FILIP1L: variants seen among roughly 807,000 people sequenced by gnomAD.
The protein encoded by FILIP1L is filamin A interacting protein 1 like.
Under a neutral mutation model 96.6 loss-of-function variants are expected in FILIP1L, and 55 were observed. That is an observed-to-expected ratio of 0.57 (90% CI 0.46 to 0.71). The LOEUF (loss-of-function observed/expected upper bound fraction) is 0.71. Among genes scored for constraint, FILIP1L ranks in the 30% least tolerant of loss-of-function variants. FILIP1L has a pLI of 0.00. For synonymous variants in FILIP1L, 467 were observed against 473.9 expected (o/e 0.99, Z 0.19); for missense variants, 1,304 against 1,321.2 (o/e 0.99, Z 0.20).
At chr3:99,950,677 A>G (rs1283730739) in intron 1 of FILIP1L, among the ~76,000 whole-genome samples, 1 of 152,214 alleles carries the variant, frequency 6.6e-6, no homozygotes, top group Non-Finnish European at 1.5e-5. Context: ...AGAAAGAGGA[A>G]TGGAGGCAGC....
Position 99,988,348 on chromosome 3 carries a change from A to C in FILIP1L, c.-10-57318T>G, listed in dbSNP as rs1451732724. Among the ~76,000 whole-genome samples, 105 of 149,220 alleles carry C rather than the reference A, an allele frequency of 7.0e-4. 3 individuals are homozygous for C. The South Asian group carries it at 9.9e-3, about 14-fold the overall frequency. ...CCACCTCTACTAAAAATCCAAAAAA[A>C]AAAAAAAAAAAAAAATTAGCCAGGC... is the stretch of plus-strand genomic sequence containing the variant. On this transcript the variant is annotated intron_variant, in intron 1 of 5. Transcript: ENST00000477258.
chr3:100,105,888 C>G (rs2066386511), intron 1 of FILIP1L, among the ~76,000 whole-genome samples: 1 of 151,966 alleles, frequency 6.6e-6, no homozygotes, highest in Admixed American at 6.6e-5. Context: ...CAAACAAAAA[C>G]TTTTTTTTAA....
intron 1 of FILIP1L, among the ~76,000 whole-genome samples, chr3:100,064,195 G>T (rs1363254860): frequency 6.6e-6 from 1 of 152,166 alleles, no homozygotes; most frequent in African/African-American, 2.4e-5. Flanking sequence ...TTGTCTTCCG[G>T]GAATGTATTT....
chr3:100,046,344 A>G lies in FILIP1L; in HGVS notation c.-11+67709T>C, dbSNP rs77585766. ...AAAAAGGGAAATTCAGAATTTGCAG[A>G]ATTATTTTTATATTTGGCAATGTAG... On this transcript the variant is annotated intron_variant, in intron 1 of 5. Coordinates refer to ENST00000477258, the MANE Select transcript of FILIP1L (RefSeq NM_001387850.1). Among the ~76,000 whole-genome samples the G allele has an allele frequency of 4.3e-3, 662 of 152,332 alleles. 7 individuals carry two copies. The highest frequency in any genetic ancestry group is 0.016 in the African/African-American group (649 of 41,578).
chr3:100,072,721 G>A (rs1308288527), intron 1 of FILIP1L, among the ~76,000 whole-genome samples: 1 of 152,222 alleles, frequency 6.6e-6, no homozygotes, highest in African/African-American at 2.4e-5. Context: ...GGACAGAGGT[G>A]ATGAGGACTT....
rs75847053 is a variant in FILIP1L, at chr3:99,912,362, A to T, written c.605+11868T>A. 1.9e-3 allele frequency among the ~76,000 whole-genome samples: 283 copies of T among 152,230 alleles called. 1 individual carries two copies. Among genetic ancestry groups the T allele is most frequent in the African/African-American group, 6.5e-3 (272 of 41,546 alleles). On this transcript the variant is annotated intron_variant, in intron 4 of 5. Coordinates refer to ENST00000477258, the MANE Select transcript of FILIP1L (RefSeq NM_001387850.1). ...TGTAGTGTCACTGCTTAATGGGCAC[A>T]GGGCTGCTGCTTCTTTTTTCTGTTT...
intron 4 of FILIP1L, among the ~76,000 whole-genome samples, chr3:99,918,223 G>A (rs1707015322): frequency 6.6e-6 from 1 of 152,016 alleles, no homozygotes; most frequent in South Asian, 2.1e-4. Context: ...TTATCTCCCT[G>A]CCTTGGCTTC....
intron 1 of FILIP1L, among the ~76,000 whole-genome samples, chr3:99,998,861 G>T (rs138138437): frequency 2.0e-5 from 3 of 152,112 alleles, no homozygotes; most frequent in Non-Finnish European, 4.4e-5. Flanking sequence ...GAGCCACCGC[G>T]CCCGGCCATG....
chr3:100,082,164 A>T (rs2065942788), intron 1 of FILIP1L, among the ~76,000 whole-genome samples: 1 of 152,176 alleles, frequency 6.6e-6, no homozygotes, highest in Non-Finnish European at 1.5e-5. Flanking sequence ...TTTTCCCATT[A>T]TGTTGTTTAT....
At chr3:99,962,855 C>T (rs963262401) in intron 1 of FILIP1L, among the ~76,000 whole-genome samples, 2 of 152,136 alleles carry the variant, frequency 1.3e-5, no homozygotes, top group African/African-American at 2.4e-5. Context: ...TCTGAGGGTG[C>T]CTTAAGACAA....
intron 1 of FILIP1L, chr3:100,040,541 G>C (rs2065187366): frequency 6.6e-6 from 1 of 152,116 alleles, no homozygotes; most frequent in Non-Finnish European, 1.5e-5. Context: ...CTCTGCATCT[G>C]CTTTTTCCCC....
intron 4 of FILIP1L, among the ~76,000 whole-genome samples, chr3:99,916,405 C>T (rs1217671576): frequency 6.6e-6 from 1 of 150,440 alleles, no homozygotes; most frequent in Non-Finnish European, 1.5e-5. Context: ...CCTTCAGGAT[C>T]ATGTGAGCCA....
intron 1 of FILIP1L, among the ~76,000 whole-genome samples, chr3:99,954,718 C>T (rs901324698): frequency 2.6e-5 from 4 of 151,908 alleles, no homozygotes; most frequent in African/African-American, 9.7e-5. Context: ...CCCAGCTACT[C>T]AGGAGGCTGA....
At chr3:100,063,053 A>G (rs2065601565) in intron 1 of FILIP1L, among the ~76,000 whole-genome samples, 1 of 152,238 alleles carries the variant, frequency 6.6e-6, no homozygotes, top group South Asian at 2.1e-4. Flanking sequence ...TTTGGAGTTC[A>G]TTGAGGCCAA....
In FILIP1L at chr3:99,832,856, A is replaced by T. The variant is rs1300220090; in HGVS notation, c.3382-2251T>A. On this transcript the variant is annotated intron_variant, in intron 5 of 5. Transcript: ENST00000477258. ...CTCTGTCTCAAAAAAAAAAAAAAAAAAGTTGTTTTTTTTTTTTTTCTTGTA... is the reference window on the plus strand; with the variant it reads ...CTCTGTCTCAAAAAAAAAAAAAAAATAGTTGTTTTTTTTTTTTTTCTTGTA... Among the ~76,000 whole-genome samples the T allele has an allele frequency of 4.9e-4, 72 of 148,138 alleles. 2 individuals are homozygous for T. Among genetic ancestry groups the T allele is most frequent in the African/African-American group, 1.8e-3 (71 of 40,222 alleles).
At chr3:99,937,373 A>G (rs542237817) in intron 1 of FILIP1L, among the ~76,000 whole-genome samples, 1 of 152,296 alleles carries the variant, frequency 6.6e-6, no homozygotes, top group Non-Finnish European at 1.5e-5. Context: ...CTGTTTTCAT[A>G]TATTGTTTAT....
intron 1 of FILIP1L, among the ~76,000 whole-genome samples, chr3:100,101,322 A>G (rs947716732): frequency 2.0e-5 from 3 of 152,164 alleles, no homozygotes; most frequent in African/African-American, 7.2e-5. Context: ...GACTTCGTTG[A>G]CTGAGGACAC....
chr3:99,867,901 A>G (rs1443631145), intron 4 of FILIP1L, among the ~76,000 whole-genome samples: 1 of 152,228 alleles, frequency 6.6e-6, no homozygotes, highest in Non-Finnish European at 1.5e-5. Flanking sequence ...GTAAAAGCAA[A>G]TAAGTACTTA....
At chr3:100,082,877 T>G (rs1272056890) in intron 1 of FILIP1L, among the ~76,000 whole-genome samples, 1 of 152,226 alleles carries the variant, frequency 6.6e-6, no homozygotes, top group Non-Finnish European at 1.5e-5. Flanking sequence ...TTGGGTTTAT[T>G]TTGTGAGAAT....
Sources: allele counts gnomAD v4.1 joint callset (sites outside exome capture counted in the v4.1 genomes callset), GRCh38; gene constraint gnomAD v4.1.1; transcripts MANE v1.5; gene names NCBI Gene and HGNC (gene_info 2026-07-23, HGNC 2026-07-21).